HAUS2: variants seen among roughly 807,000 people sequenced by gnomAD.
HAUS2 encodes the protein HAUS augmin like complex subunit 2.
In HAUS2, 20 loss-of-function variants were observed where a neutral mutation model predicts 21.6. The observed-to-expected ratio is 0.93, with a 90% CI of 0.65 to 1.35. HAUS2 has a LOEUF of 1.35. Ranked by LOEUF, HAUS2 falls within the 40% of genes most tolerant of loss-of-function variation. HAUS2 has a pLI of 0.00. For synonymous variants in HAUS2, 113 were observed against 95.6 expected, an observed-to-expected ratio of 1.18 and a Z score of -1.06; for missense variants, 297 against 280.7, an observed-to-expected ratio of 1.06 and a Z score of -0.42.
rs763790004 is a variant in HAUS2 at position 42,560,780 on chromosome 15, A to G, written c.257-490A>G. Reference sequence around the variant, plus strand: ...ATTTTTGTTTTTTCAATTTTTTTGTAGAGATGAAGTCTTGCTATGTTGCCC... The same window carrying G: ...ATTTTTGTTTTTTCAATTTTTTTGTGGAGATGAAGTCTTGCTATGTTGCCC... On this transcript the variant is annotated intron_variant, in intron 3 of 5. Coordinates refer to ENST00000260372, the MANE Select transcript of HAUS2 (RefSeq NM_018097.3). 4 of 701,572 alleles carry G rather than the reference A, an allele frequency of 5.7e-6. No individual in the cohort carries two copies. The South Asian group carries it at 5.9e-5, about 10-fold the overall frequency. The allele number at this position is 701,572 out of a possible 1,614,324, so 43.5% of individuals were successfully genotyped here.
In HAUS2 at chr15:42,566,875, C is replaced by T. The variant is rs552825676; in HGVS notation, c.*59C>T. ...TCATATGAAGTCTATTTCTAGTTGACTGTAACATGGGTATTAATAGTCTTT... is the reference window on the plus strand; with the variant it reads ...TCATATGAAGTCTATTTCTAGTTGATTGTAACATGGGTATTAATAGTCTTT... On this transcript the variant is annotated 3_prime_UTR_variant, in exon 6 of 6. Coordinates refer to ENST00000260372, the MANE Select transcript of HAUS2 (RefSeq NM_018097.3). The T allele has an allele frequency of 4.8e-5, 38 of 799,948 alleles. No homozygotes were observed. The highest frequency in any genetic ancestry group is 1.6e-4 in the Admixed American group (8 of 50,326). The allele number at this position is 799,948 out of a possible 1,614,324, so 49.6% of individuals were successfully genotyped here.
chr15:42,563,974 G>A, intron 5 of HAUS2, 117 bp downstream of exon 5: 1 of 653,022 alleles, frequency 1.5e-6, no homozygotes, highest in South Asian at 1.7e-5. Context: ...AAATCAAGAA[G>A]TATTTTCTTG....
Position 42,561,296 on chromosome 15 carries a change from A to C in HAUS2, c.283A>C (p.Met95Leu). 1 of 1,566,222 alleles carries C rather than the reference A, an allele frequency of 6.4e-7. No homozygotes were observed. Among genetic ancestry groups the C allele is most frequent in the Non-Finnish European group, 8.8e-7 (1 of 1,136,462 alleles). ...TCAGAAGTGTCATACTCTGCAAAGC[A>C]TGAATAATCATTTGGAAGCAGTGCT... is the stretch of plus-strand genomic sequence containing the variant. ...LAQKCHTLQS[M>L]NNHLEAVLKE... Residue 95 changes from methionine to leucine, a missense_variant, in exon 4 of 6, where the codon ATG becomes CTG. Met to Leu is a conservative substitution (Grantham distance 15, BLOSUM62 2). Coordinates refer to ENST00000260372, the MANE Select transcript of HAUS2 (RefSeq NM_018097.3).
intron 5 of HAUS2, 30 bp downstream of exon 5, chr15:42,563,887 T>C: frequency 1.0e-6 from 1 of 1,004,136 alleles, no homozygotes; most frequent in African/African-American, 1.6e-5. Context: ...TCTTCAGTTA[T>C]TTTTTACTAG....
Position 42,559,381 on chromosome 15 carries a change from G to A in HAUS2, c.229G>A (p.Ala77Thr). ...ACTCCTGAAACTAGAAAAAGATACA[G>A]CAGATGTTGTTCATCCTTTCTTTTT... is the stretch of plus-strand genomic sequence containing the variant. ...IELLKLEKDT[A>T]DVVHPFFLAQ... Residue 77 changes from alanine to threonine, a missense_variant, in exon 3 of 6, where the codon GCA becomes ACA. Ala to Thr is a moderately conservative substitution (Grantham distance 58). Transcript: ENST00000260372. 6.2e-7 allele frequency: 1 copy of A among 1,605,420 alleles called. No individual in the cohort carries two copies.
At chr15:42,562,034 T>G (rs2057858343) in intron 4 of HAUS2, among the ~76,000 whole-genome samples, 1 of 151,718 alleles carries the variant, frequency 6.6e-6, no homozygotes, top group African/African-American at 2.4e-5. Context: ...AATATAAAAA[T>G]TAGCAACACA....
chr15:42,551,542 G>T (rs1323565870), intron 1 of HAUS2, among the ~76,000 whole-genome samples: 1 of 152,018 alleles, frequency 6.6e-6, no homozygotes, highest in Non-Finnish European at 1.5e-5. Context: ...TCGGGAAGCC[G>T]AGACATGAGA....
chr15:42,561,258 T>A lies in HAUS2; in HGVS notation c.257-12T>A. ...ATTGCTAACTATAATTACTGTTTTT[T>A]AATTTGTATAGCTCAGAAGTGTCAT... On this transcript the variant is annotated splice_polypyrimidine_tract_variant and intron_variant, in intron 3 of 5. Coordinates refer to ENST00000260372, the MANE Select transcript of HAUS2 (RefSeq NM_018097.3). 1 of 1,501,790 alleles carries A rather than the reference T, an allele frequency of 6.7e-7. No homozygotes were observed. The highest frequency in any genetic ancestry group is 9.2e-7 in the Non-Finnish European group (1 of 1,081,918). 93.0% of individuals were successfully genotyped at this position (1,501,790 alleles called of 1,614,324 possible).
chr15:42,549,133 G>T (rs1182272388), intron 1 of HAUS2, among the ~76,000 whole-genome samples, 168 bp downstream of exon 1: 1 of 152,216 alleles, frequency 6.6e-6, no homozygotes, highest in Non-Finnish European at 1.5e-5. Flanking sequence ...TGCCGTGGAT[G>T]CTTGGAAAGC....
Position 42,548,854 on chromosome 15 carries a change from C to A in HAUS2, c.-19C>A. 6.5e-7 allele frequency: 1 copy of A among 1,538,658 alleles called. No homozygotes were observed. Among genetic ancestry groups the A allele is most frequent in the Non-Finnish European group, 8.8e-7 (1 of 1,138,272 alleles). On this transcript the variant is annotated 5_prime_UTR_variant, in exon 1 of 6. Transcript: ENST00000260372. ...ATCCCGCTCACTCTTGGCGCCTTCG[C>A]GGAAGGTGCGTCCGAGCCATGGCCG...
In HAUS2 at chr15:42,558,314, CTTTTTTTTTTTT is replaced by C. The variant is rs547363768; in HGVS notation, c.186+37_186+48del. 0.012 allele frequency: 4,641 copies of C among 375,998 alleles called. 185 individuals are homozygous for C. The African/African-American group carries it at 0.13, about 11-fold the overall frequency. 23.3% of individuals were successfully genotyped at this position (375,998 alleles called of 1,614,324 possible). ...AGGTAAATCATTTTGTTTTCACTTT[CTTTTTTTTTTTT>C]TTTTTTTTTTTTGAGACGGAGTCTT... On this transcript the variant is annotated intron_variant, in intron 2 of 5. Transcript: ENST00000260372.
At chr15:42,560,401 A>AGG (rs556555993) in intron 3 of HAUS2, among the ~76,000 whole-genome samples, 67 of 152,016 alleles carry the variant, frequency 4.4e-4, no homozygotes, top group African/African-American at 1.6e-3. Context: ...AGAGAGAGAG[A>AGG]GAGAGAGAGA....
In HAUS2 at chr15:42,548,843, T is replaced by G. The variant is rs1261060175; in HGVS notation, c.-30T>G. On this transcript the variant is annotated 5_prime_UTR_variant, in exon 1 of 6. Transcript: ENST00000260372. ...TTCGCCCTGCGATCCCGCTCACTCT[T>G]GGCGCCTTCGCGGAAGGTGCGTCCG... 1 of 1,516,314 alleles carries G rather than the reference T, an allele frequency of 6.6e-7. No homozygotes were observed. Among genetic ancestry groups the G allele is most frequent in the African/African-American group, 1.4e-5 (1 of 72,176 alleles). The allele number at this position is 1,516,314 out of a possible 1,614,324, so 93.9% of individuals were successfully genotyped here.
At chr15:42,550,470 G>T (rs2057713317) in intron 1 of HAUS2, among the ~76,000 whole-genome samples, 1 of 152,116 alleles carries the variant, frequency 6.6e-6, no homozygotes. Context: ...TTAGATCTTA[G>T]TACTCTCCCT....
chr15:42,557,475 T>C lies in HAUS2; in HGVS notation c.94-723T>C, dbSNP rs143816921. Among the ~76,000 whole-genome samples the C allele has an allele frequency of 3.5e-4, 49 of 141,418 alleles. 1 individual carries two copies. Among genetic ancestry groups the C allele is most frequent in the African/African-American group, 1.3e-3 (46 of 36,466 alleles). The allele number at this position is 141,418 out of a possible 152,430, so 92.8% of individuals were successfully genotyped here. On this transcript the variant is annotated intron_variant, in intron 1 of 5. Transcript: ENST00000260372. The stretch of plus-strand genomic sequence containing the variant: ...TAATATATACATTGTATATAATGTA[T>C]ATTATATATAATATATACATTGTAT...
At chr15:42,560,974 T>A in intron 3 of HAUS2, 1 of 602,162 alleles carries the variant, frequency 1.7e-6, no homozygotes, top group Non-Finnish European at 2.9e-6. Flanking sequence ...AATATAGCTC[T>A]GGCTATAAGA....
At position 42,568,598 on chromosome 15, in the gene HAUS2, T is replaced by C. The variant is rs576480496; in HGVS notation, c.*1782T>C. ...TCCACTCACTGAAAAGAGTCGTTCA[T>C]GGTAGCTAACCTGTGGTTTGTGCTG... On this transcript the variant is annotated 3_prime_UTR_variant, in exon 6 of 6. Coordinates refer to ENST00000260372, the MANE Select transcript of HAUS2 (RefSeq NM_018097.3). The C allele has an allele frequency of 6.6e-6, 1 of 152,350 alleles. No homozygotes were observed. The highest frequency in any genetic ancestry group is 2.4e-5 in the African/African-American group (1 of 41,582). 9.4% of individuals were successfully genotyped at this position (152,350 alleles called of 1,614,324 possible).
At chr15:42,554,850 A>G (rs2057756261) in intron 1 of HAUS2, among the ~76,000 whole-genome samples, 1 of 151,558 alleles carries the variant, frequency 6.6e-6, no homozygotes, top group South Asian at 2.1e-4. Context: ...CCGCTGAGAC[A>G]GGGTCTCACT....
chr15:42,559,715 C>T (rs148495857), intron 3 of HAUS2, among the ~76,000 whole-genome samples: 65 of 152,138 alleles, frequency 4.3e-4, no homozygotes, highest in African/African-American at 1.5e-3. Context: ...GATCATGGAT[C>T]GATTTTTTAT....
Sources: allele counts gnomAD v4.1 joint callset (sites outside exome capture counted in the v4.1 genomes callset), GRCh38; gene constraint gnomAD v4.1.1; transcripts MANE v1.5; gene names NCBI Gene and HGNC (gene_info 2026-07-23, HGNC 2026-07-21).